Variants in GRIK3 observed in about 807,000 individuals in gnomAD.
GRIK3 encodes glutamate ionotropic receptor kainate type subunit 3.
Under a neutral mutation model 102.5 loss-of-function variants are expected in GRIK3, and 29 were observed. That is an observed-to-expected ratio of 0.28 (90% CI 0.21 to 0.39). The LOEUF (loss-of-function observed/expected upper bound fraction) is 0.39. Ranked by LOEUF, GRIK3 falls within the 10% of genes least tolerant of loss-of-function variation. GRIK3 has a pLI of 1.00. For synonymous variants in GRIK3, 511 were observed against 504.9 expected, an observed-to-expected ratio of 1.01 and a Z score of -0.16; for missense variants, 908 against 1,252.4, an observed-to-expected ratio of 0.73 and a Z score of 4.15.
At position 36,831,778 on chromosome 1, in the gene GRIK3, T is replaced by G. The variant is rs141652919; in HGVS notation, c.1531-5952A>C. ...ATTTATACTTTAATTGAATTTTAAT[T>G]AATTAAAGCTTAAAATTAAATAACC... On this transcript the variant is annotated intron_variant, in intron 10 of 15. Transcript: ENST00000373091. Among the ~76,000 whole-genome samples, 108 of 152,366 alleles carry G rather than the reference T, an allele frequency of 7.1e-4. 1 individual carries two copies. Among genetic ancestry groups the G allele is most frequent in the African/African-American group, 2.6e-3 (107 of 41,584 alleles).
intron 1 of GRIK3, among the ~76,000 whole-genome samples, chr1:36,912,024 C>T (rs534998040): frequency 6.6e-6 from 1 of 152,122 alleles, no homozygotes; most frequent in Non-Finnish European, 1.5e-5. Context: ...CCCATCCAGC[C>T]CAGCCTCTCT....
chr1:36,985,239 G>A (rs1642291965), intron 1 of GRIK3, among the ~76,000 whole-genome samples: 1 of 152,128 alleles, frequency 6.6e-6, no homozygotes, highest in Non-Finnish European at 1.5e-5. Flanking sequence ...ACTGAGATGG[G>A]GCTGGGGTTG....
intron 1 of GRIK3, among the ~76,000 whole-genome samples, chr1:37,009,562 T>C (rs1179740341): frequency 1.3e-5 from 2 of 152,122 alleles, no homozygotes; most frequent in African/African-American, 4.8e-5. Flanking sequence ...TCCACAGCAC[T>C]GGGGCTGAAA....
intron 1 of GRIK3, among the ~76,000 whole-genome samples, chr1:37,006,320 G>A (rs1016032108): frequency 1.3e-5 from 2 of 152,176 alleles, no homozygotes; most frequent in Non-Finnish European, 2.9e-5. Context: ...CCTCGATAAC[G>A]CAACGAGGGA....
At chr1:36,874,342 C>T (rs1310852790) in intron 3 of GRIK3, among the ~76,000 whole-genome samples, 1 of 152,180 alleles carries the variant, frequency 6.6e-6, no homozygotes, top group Admixed American at 6.5e-5. Flanking sequence ...CCTAAGCCTC[C>T]TAAAGAGCTT....
chr1:36,837,883 C>T (rs1325363247), intron 10 of GRIK3, among the ~76,000 whole-genome samples: 1 of 152,244 alleles, frequency 6.6e-6, no homozygotes, highest in Non-Finnish European at 1.5e-5. Flanking sequence ...AAGAAGGTGG[C>T]ACCTTGGTGG....
intron 1 of GRIK3, among the ~76,000 whole-genome samples, chr1:37,010,303 T>C (rs936426606): frequency 3.3e-5 from 5 of 152,214 alleles, no homozygotes; most frequent in African/African-American, 7.2e-5. Context: ...TTAAGAGCCA[T>C]AGAAATGGAT....
At chr1:36,823,756 T>C (rs1424321153) in intron 11 of GRIK3, among the ~76,000 whole-genome samples, 1 of 152,200 alleles carries the variant, frequency 6.6e-6, no homozygotes, top group East Asian at 1.9e-4. Context: ...TCATCCTTGA[T>C]ATAAAGTTGG....
chr1:36,824,967 G>A (rs549651564), intron 11 of GRIK3, among the ~76,000 whole-genome samples: 3 of 152,310 alleles, frequency 2.0e-5, no homozygotes, highest in East Asian at 1.9e-4. Flanking sequence ...AGAGCACAGT[G>A]CTTGGCGAGC....
At chr1:37,010,129 C>A (rs1466808460) in intron 1 of GRIK3, among the ~76,000 whole-genome samples, 3 of 152,126 alleles carry the variant, frequency 2.0e-5, no homozygotes, top group Non-Finnish European at 4.4e-5. Context: ...AGAAAAAGAT[C>A]CACAGATGTG....
At position 36,869,739 on chromosome 1, in the gene GRIK3, G is replaced by A. The variant is rs534771646; in HGVS notation, c.786+9C>T. On this transcript the variant is annotated intron_variant, in intron 5 of 15. Coordinates refer to ENST00000373091, the MANE Select transcript of GRIK3 (RefSeq NM_000831.4). ...CCCTTTCCCGTGCCAGGACCCAGAGGTACATTACCAGAGTGGTGAAGATGA... is the reference window on the plus strand; with the variant it reads ...CCCTTTCCCGTGCCAGGACCCAGAGATACATTACCAGAGTGGTGAAGATGA... 71 of 1,598,912 alleles carry A rather than the reference G, an allele frequency of 4.4e-5. No homozygotes were observed. In the East Asian group the frequency reaches 1.1e-3, roughly 25 times the overall value.
intron 3 of GRIK3, among the ~76,000 whole-genome samples, chr1:36,879,589 T>C (rs1391944035): frequency 6.6e-6 from 1 of 152,192 alleles, no homozygotes; most frequent in Non-Finnish European, 1.5e-5. Flanking sequence ...GCTAGGTGTG[T>C]GCTCTGGGCC....
chr1:36,896,137 T>A (rs535967904), intron 1 of GRIK3, among the ~76,000 whole-genome samples: 1 of 152,252 alleles, frequency 6.6e-6, no homozygotes, highest in South Asian at 2.1e-4. Flanking sequence ...AAGATGTTCT[T>A]TAGAGAGAAG....
At chr1:36,815,982 C>T (rs1346152686) in intron 13 of GRIK3, among the ~76,000 whole-genome samples, 3 of 152,036 alleles carry the variant, frequency 2.0e-5, no homozygotes. Flanking sequence ...AACTCCTGAC[C>T]TCGTGATCAG....
intron 1 of GRIK3, among the ~76,000 whole-genome samples, chr1:36,982,715 G>A (rs1486288826): frequency 6.6e-6 from 1 of 151,748 alleles, no homozygotes; most frequent in Non-Finnish European, 1.5e-5. Flanking sequence ...AGGAAGGGTG[G>A]AAGGGGCAGC....
intron 1 of GRIK3, among the ~76,000 whole-genome samples, chr1:37,013,672 T>C (rs1642622061): frequency 6.6e-6 from 1 of 152,200 alleles, no homozygotes; most frequent in Non-Finnish European, 1.5e-5. Flanking sequence ...AAGCACATGT[T>C]TGGACCAGGC....
At chr1:36,914,918 A>G (rs1274907752) in intron 1 of GRIK3, among the ~76,000 whole-genome samples, 2 of 152,214 alleles carry the variant, frequency 1.3e-5, no homozygotes, top group African/African-American at 4.8e-5. Flanking sequence ...TGGGGAACCA[A>G]TTCATCAGCC....
intron 2 of GRIK3, among the ~76,000 whole-genome samples, chr1:36,883,626 G>T (rs1043367533): frequency 6.6e-6 from 1 of 152,224 alleles, no homozygotes; most frequent in African/African-American, 2.4e-5. Context: ...GTCTGGAAGG[G>T]CAGGGCACAG....
intron 1 of GRIK3, among the ~76,000 whole-genome samples, chr1:37,010,083 G>A (rs191165847): frequency 9.2e-5 from 14 of 152,260 alleles, no homozygotes; most frequent in Non-Finnish European, 1.5e-4. Context: ...TTCCAAGCAC[G>A]GGGCACTTGG....
Sources: allele counts gnomAD v4.1 joint callset (sites outside exome capture counted in the v4.1 genomes callset), GRCh38; gene constraint gnomAD v4.1.1; transcripts MANE v1.5; gene names NCBI Gene and HGNC (gene_info 2026-07-23, HGNC 2026-07-21).